The following ELAVL2 variants were observed in gnomAD, a reference collection of about 807,000 sequenced individuals.
ELAVL2 encodes the protein ELAV-like protein 2.
ELAVL2 carries 4 observed loss-of-function variants against 34.6 expected under a neutral mutation model. The observed-to-expected ratio is 0.12, with a 90% CI of 0.06 to 0.26. ELAVL2 has a LOEUF of 0.26. Among genes scored for constraint, ELAVL2 ranks in the 10% least tolerant of loss-of-function variants. The probability of loss-of-function intolerance (pLI) is 1.00; values close to 1 mark genes in which losing one functional copy is unlikely to be tolerated. For missense variants in ELAVL2, 432 were observed against 442.8 expected (o/e 0.98, Z 0.22); for synonymous variants, 193 against 154.8 (o/e 1.25, Z -1.83).
rs116837888 is a variant in ELAVL2, at chr9:23,701,701, T to G, written c.488-97A>C. The G allele has an allele frequency of 0.011, 13,661 of 1,253,012 alleles. 1,030 individuals are homozygous for G. In the African/African-American group the frequency reaches 0.17, roughly 16 times the overall value. 77.6% of individuals were successfully genotyped at this position (1,253,012 alleles called of 1,614,324 possible). ...CATTAATTTTTCCTTCTCAAGAACATGTTTTCACCTACATATAACATTTCC... is the reference window on the plus strand; with the variant it reads ...CATTAATTTTTCCTTCTCAAGAACAGGTTTTCACCTACATATAACATTTCC... On this transcript the variant is annotated intron_variant, in intron 4 of 6. Transcript: ENST00000397312.
At chr9:23,763,482 C>T (rs1165457059) in intron 1 of ELAVL2, among the ~76,000 whole-genome samples, 1 of 151,970 alleles carries the variant, frequency 6.6e-6, no homozygotes, top group Non-Finnish European at 1.5e-5. Context: ...AACTGCTTCT[C>T]AAAACTGACA....
chr9:23,702,351 G>A (rs1410840), intron 4 of ELAVL2, among the ~76,000 whole-genome samples: 1 of 152,048 alleles, frequency 6.6e-6, no homozygotes, highest in African/African-American at 2.4e-5. Flanking sequence ...CCTGACTACA[G>A]AAGATCACTC....
At chr9:23,727,752 AG>A (rs2045581839) in intron 3 of ELAVL2, among the ~76,000 whole-genome samples, 1 of 152,042 alleles carries the variant, frequency 6.6e-6, no homozygotes. Context: ...ACAGAGCCTG[AG>A]GGACTTCACT....
intron 1 of ELAVL2, among the ~76,000 whole-genome samples, chr9:23,804,751 G>C (rs1371162280): frequency 4.6e-5 from 7 of 152,162 alleles, no homozygotes; most frequent in African/African-American, 1.7e-4. Context: ...TAATGCAGCA[G>C]TGTAGAGAGG....
chr9:23,817,642 T>C (rs1170116911), intron 1 of ELAVL2, among the ~76,000 whole-genome samples: 1 of 152,188 alleles, frequency 6.6e-6, no homozygotes, highest in East Asian at 1.9e-4. Flanking sequence ...TGTTTTGTTT[T>C]GCACAATGGA....
At chr9:23,781,875 G>A (rs1045061849) in intron 1 of ELAVL2, among the ~76,000 whole-genome samples, 9 of 152,000 alleles carry the variant, frequency 5.9e-5, no homozygotes, top group Non-Finnish European at 1.0e-4. Context: ...TAGTAGAGAC[G>A]GGGTTTCAGC....
intron 2 of ELAVL2, among the ~76,000 whole-genome samples, chr9:23,754,389 C>T (rs1168059367): frequency 6.6e-6 from 1 of 151,902 alleles, no homozygotes; most frequent in Non-Finnish European, 1.5e-5. Context: ...AATTAACTTA[C>T]TGAATGGTGA....
intron 3 of ELAVL2, among the ~76,000 whole-genome samples, chr9:23,724,376 T>G (rs758940685): frequency 6.6e-6 from 1 of 152,126 alleles, no homozygotes; most frequent in Non-Finnish European, 1.5e-5. Flanking sequence ...CTTTGAGAAT[T>G]CCAATTAACT....
intron 1 of ELAVL2, among the ~76,000 whole-genome samples, chr9:23,768,777 T>A (rs2056787299): frequency 1.3e-5 from 2 of 152,172 alleles, no homozygotes; most frequent in Admixed American, 1.3e-4. Flanking sequence ...GCATGTGGAA[T>A]TTGGGTCCAA....
intron 3 of ELAVL2, among the ~76,000 whole-genome samples, chr9:23,717,785 C>G (rs1054620764): frequency 3.2e-4 from 49 of 152,144 alleles, no homozygotes; most frequent in African/African-American, 9.7e-4. Context: ...AAGGACAAGG[C>G]TACCTCTTGT....
intron 1 of ELAVL2, among the ~76,000 whole-genome samples, chr9:23,803,506 C>G (rs1323368227): frequency 3.3e-5 from 5 of 152,126 alleles, no homozygotes. Context: ...AGCCCTGGTG[C>G]GTTCCTCCTC....
At chr9:23,721,674 T>G (rs1258166568) in intron 3 of ELAVL2, among the ~76,000 whole-genome samples, 1 of 152,102 alleles carries the variant, frequency 6.6e-6, no homozygotes, top group Non-Finnish European at 1.5e-5. Flanking sequence ...TAATATGGGA[T>G]TTTAGACCAA....
chr9:23,728,946 T>G (rs2045908998), intron 3 of ELAVL2, among the ~76,000 whole-genome samples: 1 of 152,042 alleles, frequency 6.6e-6, no homozygotes, highest in African/African-American at 2.4e-5. Flanking sequence ...GACCCACATC[T>G]CAGAAAATCA....
chr9:23,692,727 T>C lies in ELAVL2; in HGVS notation c.910A>G (p.Asn304Asp). 6.2e-7 allele frequency: 1 copy of C among 1,614,182 alleles called. No individual in the cohort carries two copies. Among genetic ancestry groups the C allele is most frequent in the Non-Finnish European group, 8.5e-7 (1 of 1,180,004 alleles). The change falls in exon 7 of 7, where the codon AAT becomes GAT. Residue 304 changes from asparagine (N) to aspartate (D), a missense_variant. Around this residue, in one of 3 missense-constraint regions of ELAVL2, gnomAD observed 295 missense variants for 306.1 expected, o/e 0.96. Coordinates refer to ENST00000397312, the MANE Select transcript of ELAVL2 (RefSeq NM_004432.5). ...TTAAAGTCACGGATGACCTTCACAT[T>C]GGTGACAGCTCCAAAAGGCCCAAAC... ...QMFGPFGAVT[N>D]VKVIRDFNTN...
intron 1 of ELAVL2, among the ~76,000 whole-genome samples, chr9:23,823,058 C>T (rs564866424): frequency 6.6e-6 from 1 of 152,166 alleles, no homozygotes; most frequent in East Asian, 1.9e-4. Flanking sequence ...CGAGATAGGC[C>T]ATCCCTTAAT....
intron 2 of ELAVL2, among the ~76,000 whole-genome samples, chr9:23,752,496 C>G (rs962448749): frequency 1.3e-5 from 2 of 151,190 alleles, no homozygotes; most frequent in Non-Finnish European, 2.9e-5. Context: ...GATAGAGTCT[C>G]CCTCTGTCAT....
chr9:23,793,038 A>G (rs2060508582), intron 1 of ELAVL2, among the ~76,000 whole-genome samples: 1 of 152,086 alleles, frequency 6.6e-6, no homozygotes, highest in East Asian at 1.9e-4. Flanking sequence ...AAGGCCTCCC[A>G]AAGTGCTGGG....
intron 1 of ELAVL2, among the ~76,000 whole-genome samples, chr9:23,795,145 C>A (rs1475574245): frequency 6.6e-6 from 1 of 152,102 alleles, no homozygotes; most frequent in Non-Finnish European, 1.5e-5. Flanking sequence ...AAAATTAAGT[C>A]CTTATCTTTA....
intron 1 of ELAVL2, among the ~76,000 whole-genome samples, chr9:23,790,822 A>C (rs536407935): frequency 6.6e-6 from 1 of 152,334 alleles, no homozygotes; most frequent in East Asian, 1.9e-4. Context: ...GAGCAACACA[A>C]CACAAAACAT....
Sources: allele counts gnomAD v4.1 joint callset (sites outside exome capture counted in the v4.1 genomes callset), GRCh38; gene constraint gnomAD v4.1.1; regional missense constraint gnomAD v4.1.1; transcripts MANE v1.5; gene names NCBI Gene and HGNC (gene_info 2026-07-23, HGNC 2026-07-21).